Variants in PRUNE2 observed in about 807,000 individuals in gnomAD.
The protein encoded by PRUNE2 is protein prune homolog 2.
PRUNE2 carries 164 observed loss-of-function variants against 252.0 expected under a neutral mutation model. The observed-to-expected ratio is 0.65, with a 90% CI of 0.57 to 0.74. PRUNE2 has a LOEUF of 0.74. Among genes scored for constraint, PRUNE2 ranks in the 30% least tolerant of loss-of-function variants. The pLI, the probability that PRUNE2 is intolerant of heterozygous loss-of-function variation, is 0.00. For synonymous variants in PRUNE2, 1,292 were observed against 1,350.2 expected, an observed-to-expected ratio of 0.96 and a Z score of 0.94; for missense variants, 3,495 against 3,711.0, an observed-to-expected ratio of 0.94 and a Z score of 1.51.
At chr9:76,797,904 A>G (rs993454803) in intron 6 of PRUNE2, among the ~76,000 whole-genome samples, 1 of 152,156 alleles carries the variant, frequency 6.6e-6, no homozygotes, top group African/African-American at 2.4e-5. Flanking sequence ...CCTCCTTCCT[A>G]AGAGCAGACA....
rs576425826 is a variant in PRUNE2 at position 76,792,212 on chromosome 9, G to A, written c.756+31420C>T. ...GGTGGCTCTTTCCCATGCTGTTCTC[G>A]TGATAGTAAATAAGTCTCTGATGGT... On this transcript the variant is annotated intron_variant, in intron 6 of 18. Transcript: ENST00000376718. Among the ~76,000 whole-genome samples, 59 of 152,206 alleles carry A rather than the reference G, an allele frequency of 3.9e-4. 1 individual carries two copies. The highest frequency in any genetic ancestry group is 3.4e-3 in the Middle Eastern group (1 of 294).
chr9:76,839,897 A>G (rs779548709), intron 4 of PRUNE2, among the ~76,000 whole-genome samples: 1 of 152,212 alleles, frequency 6.6e-6, no homozygotes, highest in Non-Finnish European at 1.5e-5. Flanking sequence ...CTCCTAGATG[A>G]TGGCTTTTAA....
chr9:76,636,816 C>T (rs1042064522), intron 14 of PRUNE2, among the ~76,000 whole-genome samples: 3 of 151,956 alleles, frequency 2.0e-5, no homozygotes, highest in South Asian at 2.1e-4. Context: ...ATTAGCTGGG[C>T]GTGGTGGTGC....
chr9:76,840,494 G>GT (rs1332767678), intron 4 of PRUNE2, among the ~76,000 whole-genome samples: 1 of 152,110 alleles, frequency 6.6e-6, no homozygotes, highest in African/African-American at 2.4e-5. Context: ...AAAATGTAGA[G>GT]TTTTTTGGTA....
At position 76,850,638 on chromosome 9, in the gene PRUNE2, G is replaced by A. The variant is rs370019836; in HGVS notation, c.169C>T (p.Pro57Ser). 77 of 1,613,744 alleles carry A rather than the reference G, an allele frequency of 4.8e-5. No individual in the cohort carries two copies. Among genetic ancestry groups the A allele is most frequent in the Non-Finnish European group, 6.2e-5 (73 of 1,179,824 alleles). The change falls in exon 3 of 19, where the codon CCA (proline) becomes TCA (serine). Residue 57 changes from proline to serine, a missense_variant. Physicochemically the swap from Pro to Ser is moderately conservative, Grantham distance 74 (BLOSUM62 -1). Transcript: ENST00000376718. ...TCAGTTCTTGGTATGTTCAGCACTG[G>A]TAAACACAGAACCCCTGGTGGACTG... ...KVSPPGVLCL[P>S]VLNIPRTEFN...
intron 17 of PRUNE2, 86 bp from the exon 18 acceptor site, chr9:76,619,473 C>T: frequency 3.4e-6 from 3 of 888,812 alleles, no homozygotes; most frequent in South Asian, 2.8e-5. Flanking sequence ...GCATTTGAAA[C>T]TGTTTAATGT....
At chr9:76,643,941 C>T (rs1476207455) in intron 12 of PRUNE2, among the ~76,000 whole-genome samples, 2 of 152,160 alleles carry the variant, frequency 1.3e-5, no homozygotes, top group Admixed American at 6.5e-5. Context: ...CTTGTCAGCT[C>T]ACACTCTTTC....
At chr9:76,837,210 A>G (rs540988762) in intron 4 of PRUNE2, among the ~76,000 whole-genome samples, 31 of 152,198 alleles carry the variant, frequency 2.0e-4, no homozygotes, top group East Asian at 1.2e-3. Context: ...TTGGGAGGCC[A>G]AGGCGGGCGG....
rs1317319404 is a variant in PRUNE2, at chr9:76,611,849, T to A, written c.*2721A>T. On this transcript the variant is annotated 3_prime_UTR_variant, in exon 19 of 19. Coordinates refer to ENST00000376718, the MANE Select transcript of PRUNE2 (RefSeq NM_015225.3). ...CTGTGCAAATTTCTGTTCTTTCTCT[T>A]AATCAAGGAGCTTTGAGAAACAATG... 6.6e-6 allele frequency: 1 copy of A among 152,646 alleles called. No individual in the cohort carries two copies. Among genetic ancestry groups the A allele is most frequent in the Non-Finnish European group, 1.5e-5 (1 of 68,044 alleles). 9.5% of individuals were successfully genotyped at this position (152,646 alleles called of 1,614,324 possible).
intron 6 of PRUNE2, among the ~76,000 whole-genome samples, chr9:76,762,327 C>A (rs577144): frequency 0.55 from 83,517 of 152,008 alleles, 24,088 homozygotes; most frequent in African/African-American, 0.72. Context: ...ACATAGGAAG[C>A]AGTGATCCAA....
chr9:76,795,200 A>G (rs1385317618), intron 6 of PRUNE2, among the ~76,000 whole-genome samples: 1 of 152,190 alleles, frequency 6.6e-6, no homozygotes, highest in Non-Finnish European at 1.5e-5. Context: ...AGGTCTCAGT[A>G]TCATACCCTA....
At position 76,706,964 on chromosome 9, in the gene PRUNE2, T is replaced by A. The variant is rs773442544; in HGVS notation, c.5310A>T (p.Ser1770=). 19 of 1,613,754 alleles carry A rather than the reference T, an allele frequency of 1.2e-5. No individual in the cohort carries two copies. Among genetic ancestry groups the A allele is most frequent in the Non-Finnish European group, 1.7e-6 (2 of 1,179,838 alleles). Residue 1770 remains serine, a synonymous_variant, in exon 8 of 19, where the codon TCA becomes TCT. Coordinates refer to ENST00000376718, the MANE Select transcript of PRUNE2 (RefSeq NM_015225.3). ...QQSSPDPWTF[S]PLTETEMQIT... is the part of the protein sequence containing the mutation. ...TCTGCATTTCAGTCTCCGTTAATGG[T>A]GAGAAAGTCCAGGGATCAGGGCTGC...
At chr9:76,807,742 T>C (rs2057071314) in intron 6 of PRUNE2, among the ~76,000 whole-genome samples, 1 of 152,204 alleles carries the variant, frequency 6.6e-6, no homozygotes, top group African/African-American at 2.4e-5. Flanking sequence ...TTAGGAATTC[T>C]TGTTTTGCAG....
intron 6 of PRUNE2, among the ~76,000 whole-genome samples, chr9:76,727,061 A>T (rs191281591): frequency 5.3e-5 from 8 of 152,318 alleles, no homozygotes; most frequent in Admixed American, 1.3e-4. Flanking sequence ...GGCACTACTG[A>T]CATTTGGGGC....
chr9:76,812,877 C>T (rs2057450409), intron 6 of PRUNE2, among the ~76,000 whole-genome samples: 1 of 152,128 alleles, frequency 6.6e-6, no homozygotes, highest in Non-Finnish European at 1.5e-5. Flanking sequence ...AGGCAATTTG[C>T]AAACCCGTTA....
chr9:76,852,829 T>C (rs138881279), intron 2 of PRUNE2, among the ~76,000 whole-genome samples: 3 of 93,640 alleles, frequency 3.2e-5, no homozygotes, highest in South Asian at 3.1e-4. Flanking sequence ...TCTATCTATC[T>C]ATCTATCTAT....
chr9:76,809,777 T>G (rs2057231416), intron 6 of PRUNE2, among the ~76,000 whole-genome samples: 1 of 152,146 alleles, frequency 6.6e-6, no homozygotes, highest in South Asian at 2.1e-4. Context: ...ACCCATAAAT[T>G]CATACATATA....
intron 1 of PRUNE2, chr9:76,862,895 T>A (rs866414367): frequency 6.6e-5 from 10 of 152,216 alleles, no homozygotes; most frequent in Middle Eastern, 3.2e-3. Flanking sequence ...TAAAATTAAA[T>A]CTTGTTGTGG....
At chr9:76,714,980 A>T (rs1014022457) in intron 6 of PRUNE2, among the ~76,000 whole-genome samples, 6 of 152,342 alleles carry the variant, frequency 3.9e-5, no homozygotes, top group Non-Finnish European at 8.8e-5. Context: ...GTGTCACTCA[A>T]CAAAAAACAC....
Sources: gnomAD v4.1 joint callset for allele counts (sites outside exome capture counted in the v4.1 genomes callset) on GRCh38, gnomAD v4.1.1 for gene constraint, MANE v1.5 for transcripts, NCBI Gene and HGNC (gene_info 2026-07-23, HGNC 2026-07-21) for gene names.